Variants in FLT3 observed in about 807,000 individuals in gnomAD.
FLT3 encodes receptor-type tyrosine-protein kinase FLT3.
In FLT3, 46 loss-of-function variants were observed where a neutral mutation model predicts 126.6. The observed-to-expected ratio is 0.36, with a 90% CI of 0.29 to 0.46. FLT3 has a LOEUF of 0.46. Ranked by LOEUF, FLT3 falls within the 20% of genes least tolerant of loss-of-function variation. FLT3 has a pLI of 1.00. For missense variants in FLT3, 1,069 were observed against 1,190.3 expected, an observed-to-expected ratio of 0.90 and a Z score of 1.50; for synonymous variants, 404 against 434.4, an observed-to-expected ratio of 0.93 and a Z score of 0.87.
At chr13:28,035,404 T>G in intron 12 of FLT3, 91 bp downstream of exon 12, 1 of 1,218,658 alleles carries the variant, frequency 8.2e-7, no homozygotes, top group Non-Finnish European at 1.2e-6. Flanking sequence ...TATACTCTCC[T>G]GTAAAATTCC....
chr13:28,014,356 C>T, intron 23 of FLT3, 96 bp downstream of exon 23: 1 of 864,158 alleles, frequency 1.2e-6, no homozygotes, highest in Non-Finnish European at 1.9e-6. Context: ...ATGAGAATGA[C>T]AACTTGGTAC....
intron 1 of FLT3, chr13:28,073,352 G>A (rs1169955249): frequency 1.5e-4 from 46 of 298,878 alleles, no homozygotes; most frequent in East Asian, 5.2e-4. Context: ...CTCATCTCTG[G>A]AAAAAAAAAA....
intron 9 of FLT3, among the ~76,000 whole-genome samples, chr13:28,045,958 CA>C (rs1388577973): frequency 8.1e-6 from 1 of 123,056 alleles, no homozygotes; most frequent in Non-Finnish European, 1.8e-5. Flanking sequence ...AAAAAAATGC[CA>C]GGGGTTATTT....
chr13:28,076,930 G>T (rs1877962034), intron 1 of FLT3, among the ~76,000 whole-genome samples: 1 of 144,798 alleles, frequency 6.9e-6, no homozygotes, highest in African/African-American at 2.5e-5. Context: ...CCTGTCTCTG[G>T]GTGACAGAGC....
At chr13:28,062,952 A>G (rs1022525415) in intron 2 of FLT3, among the ~76,000 whole-genome samples, 3 of 152,110 alleles carry the variant, frequency 2.0e-5, no homozygotes, top group African/African-American at 7.2e-5. Context: ...TGTTGGTTTC[A>G]GTTGCCCAGT....
At chr13:28,082,129 T>G (rs1216420477) in intron 1 of FLT3, among the ~76,000 whole-genome samples, 1 of 151,492 alleles carries the variant, frequency 6.6e-6, no homozygotes, top group Non-Finnish European at 1.5e-5. Context: ...GTGCTGGGAT[T>G]ATAGGCGTGA....
intron 3 of FLT3, among the ~76,000 whole-genome samples, chr13:28,057,927 T>A (rs1344636901): frequency 6.6e-6 from 1 of 151,628 alleles, no homozygotes; most frequent in Non-Finnish European, 1.5e-5. Context: ...TAATCCCAGC[T>A]ACTCAGGACA....
At chr13:28,044,692 T>C (rs1418023093) in intron 9 of FLT3, among the ~76,000 whole-genome samples, 1 of 152,168 alleles carries the variant, frequency 6.6e-6, no homozygotes, top group African/African-American at 2.4e-5. Context: ...TAACACCTGG[T>C]ACATTATCAG....
At chr13:28,036,227 G>C (rs1873828807) in intron 10 of FLT3, among the ~76,000 whole-genome samples, 184 bp from the exon 11 acceptor site, 1 of 152,124 alleles carries the variant, frequency 6.6e-6, no homozygotes, top group Non-Finnish European at 1.5e-5. Context: ...CTTGGAGTAT[G>C]GTACTTTCTG....
At chr13:28,054,308 C>A (rs1020164273) in intron 4 of FLT3, among the ~76,000 whole-genome samples, 1 of 151,962 alleles carries the variant, frequency 6.6e-6, no homozygotes, top group Non-Finnish European at 1.5e-5. Flanking sequence ...AATTTAATTT[C>A]TCCATTATTA....
At position 28,098,914 on chromosome 13, in the gene FLT3, A is replaced by G. The variant is rs372213295; in HGVS notation, c.43+1554T>C. Among the ~76,000 whole-genome samples, 4 of 152,316 alleles carry G rather than the reference A, an allele frequency of 2.6e-5. No individual in the cohort carries two copies. In the East Asian group the frequency reaches 5.8e-4, roughly 22 times the overall value. Reference sequence around the variant, plus strand: ...TGAAGTTCAAACATAGGCAAAAGCAATCCATGGCATCAGAAGTCAGAATAG... The same window carrying G: ...TGAAGTTCAAACATAGGCAAAAGCAGTCCATGGCATCAGAAGTCAGAATAG... On this transcript the variant is annotated intron_variant, in intron 1 of 23. Transcript: ENST00000241453.
intron 9 of FLT3, among the ~76,000 whole-genome samples, chr13:28,045,934 C>CAAA (rs57916548): frequency 0.48 from 58,699 of 121,618 alleles, 14,783 homozygotes; most frequent in East Asian, 0.78. Context: ...CAATGGTTCT[C>CAAA]AAAAAAAAAA....
At chr13:28,062,313 C>T (rs770228364) in intron 2 of FLT3, among the ~76,000 whole-genome samples, 5 of 152,102 alleles carry the variant, frequency 3.3e-5, no homozygotes, top group Non-Finnish European at 5.9e-5. Flanking sequence ...TGGCGTGTGT[C>T]CCCCTACCTC....
At chr13:28,099,584 GGTGA>G (rs1432406390) in intron 1 of FLT3, among the ~76,000 whole-genome samples, 2 of 152,150 alleles carry the variant, frequency 1.3e-5, no homozygotes, top group Non-Finnish European at 2.9e-5. Flanking sequence ...GGCCGGGGGA[GGTGA>G]GTGTCAGTCC....
chr13:28,066,215 T>C (rs1291292608), intron 2 of FLT3, among the ~76,000 whole-genome samples: 1 of 152,208 alleles, frequency 6.6e-6, no homozygotes, highest in Non-Finnish European at 1.5e-5. Context: ...TACTGTCCTT[T>C]AGTTAGTAAA....
At chr13:28,016,174 A>G (rs1871838031) in intron 20 of FLT3, among the ~76,000 whole-genome samples, 1 of 152,114 alleles carries the variant, frequency 6.6e-6, no homozygotes, top group Non-Finnish European at 1.5e-5. Flanking sequence ...AATAATTTCC[A>G]CTAGCATGAA....
Position 28,036,005 on chromosome 13 carries a change from C to T in FLT3, c.1348G>A (p.Ala450Thr). The change falls in exon 11 of 24, where the codon GCG becomes ACG. Residue 450 changes from alanine to threonine, a missense_variant. Transcript: ENST00000241453. ...GGGTATCCATCCGAGAAACAGGACGCCTGACTTGCCGATGCTTCTGCGAGC... is the reference window on the plus strand; with the variant it reads ...GGGTATCCATCCGAGAAACAGGACGTCTGACTTGCCGATGCTTCTGCGAGC... Reference protein sequence around the residue: ...QVLAEASASQASCFSDGYPLP... With the variant: ...QVLAEASASQTSCFSDGYPLP... 5 of 1,614,128 alleles carry T rather than the reference C, an allele frequency of 3.1e-6. No homozygotes were observed. The South Asian group carries it at 5.5e-5, about 18-fold the overall frequency.
At chr13:28,069,305 C>T (rs998771196) in intron 2 of FLT3, among the ~76,000 whole-genome samples, 2 of 152,026 alleles carry the variant, frequency 1.3e-5, no homozygotes, top group Non-Finnish European at 2.9e-5. Context: ...TAAAGGGGAT[C>T]GACAACACTT....
intron 3 of FLT3, among the ~76,000 whole-genome samples, chr13:28,058,136 A>T (rs1876181372): frequency 6.6e-6 from 1 of 150,760 alleles, no homozygotes; most frequent in African/African-American, 2.4e-5. Context: ...AGGCTGGCAG[A>T]TCACTTGAGC....
Sources: allele counts gnomAD v4.1 joint callset (sites outside exome capture counted in the v4.1 genomes callset), GRCh38; gene constraint gnomAD v4.1.1; transcripts MANE v1.5; gene names NCBI Gene and HGNC (gene_info 2026-07-23, HGNC 2026-07-21).